FOXN3: variants seen among roughly 807,000 people sequenced by gnomAD.
The protein encoded by FOXN3 is forkhead box protein N3.
Under a neutral mutation model 38.4 loss-of-function variants are expected in FOXN3, and 7 were observed. The ratio of observed to expected loss-of-function variants is 0.18; its 90% confidence interval spans 0.10 to 0.34. The LOEUF is 0.34. FOXN3 is among the 10% of genes least tolerant of loss of function. The probability of loss-of-function intolerance (pLI) is 1.00; values close to 1 mark genes in which losing one functional copy is unlikely to be tolerated. For synonymous variants in FOXN3, 230 were observed against 242.2 expected, an observed-to-expected ratio of 0.95 and a Z score of 0.47; for missense variants, 456 against 613.4, an observed-to-expected ratio of 0.74 and a Z score of 2.71.
chr14:89,560,987 G>A (rs570648474), intron 1 of FOXN3, among the ~76,000 whole-genome samples: 1 of 152,320 alleles, frequency 6.6e-6, no homozygotes, highest in African/African-American at 2.4e-5. Flanking sequence ...TCAAGAACAG[G>A]TAAGGGAGTT....
chr14:89,192,132 C>A (rs1887966199), intron 4 of FOXN3, among the ~76,000 whole-genome samples: 1 of 145,982 alleles, frequency 6.9e-6, no homozygotes, highest in Admixed American at 6.9e-5. Context: ...GGGTGAAATA[C>A]CTTAAACAGT....
At chr14:89,193,909 A>T (rs1403874029) in intron 4 of FOXN3, among the ~76,000 whole-genome samples, 1 of 152,174 alleles carries the variant, frequency 6.6e-6, no homozygotes, top group African/African-American at 2.4e-5. Flanking sequence ...GTAATATTTC[A>T]CTGGGGTTTT....
chr14:89,559,872 T>C (rs1344457472), intron 1 of FOXN3, among the ~76,000 whole-genome samples: 1 of 151,876 alleles, frequency 6.6e-6, no homozygotes, highest in Non-Finnish European at 1.5e-5. Flanking sequence ...TCAGATACAC[T>C]TCAGGGGAGG....
chr14:89,293,478 G>A (rs982840145), intron 3 of FOXN3, among the ~76,000 whole-genome samples: 1 of 152,184 alleles, frequency 6.6e-6, no homozygotes, highest in African/African-American at 2.4e-5. Context: ...CTCCCTCGCA[G>A]CTGCTGGTGT....
intron 1 of FOXN3, among the ~76,000 whole-genome samples, chr14:89,439,406 C>T (rs891557288): frequency 7.2e-5 from 11 of 152,132 alleles, no homozygotes; most frequent in Admixed American, 2.0e-4. Flanking sequence ...TTAAAGAAGC[C>T]GGCCAAAACC....
chr14:89,342,544 C>G (rs1352613229), intron 3 of FOXN3, among the ~76,000 whole-genome samples: 1 of 152,194 alleles, frequency 6.6e-6, no homozygotes, highest in Non-Finnish European at 1.5e-5. Context: ...CTCCCACTGT[C>G]AATGAGCACT....
chr14:89,607,909 C>G (rs1402493809), intron 1 of FOXN3, among the ~76,000 whole-genome samples: 1 of 151,926 alleles, frequency 6.6e-6, no homozygotes, highest in Non-Finnish European at 1.5e-5. Flanking sequence ...CTCCACCTCC[C>G]GGGTTCAAGC....
chr14:89,490,892 A>G (rs1010229970), intron 1 of FOXN3, among the ~76,000 whole-genome samples: 1 of 152,270 alleles, frequency 6.6e-6, no homozygotes, highest in African/African-American at 2.4e-5. Context: ...TATTCTAGGT[A>G]TGGCGAATCC....
At chr14:89,209,913 T>C (rs1207968284) in intron 4 of FOXN3, among the ~76,000 whole-genome samples, 1 of 152,240 alleles carries the variant, frequency 6.6e-6, no homozygotes, top group African/African-American at 2.4e-5. Context: ...CATTCCACCA[T>C]TGTTAACAGA....
chr14:89,405,161 G>C (rs1891355098), intron 2 of FOXN3, among the ~76,000 whole-genome samples: 1 of 152,098 alleles, frequency 6.6e-6, no homozygotes, highest in African/African-American at 2.4e-5. Flanking sequence ...TTTTGAGACA[G>C]AGTCTCACTC....
chr14:89,363,468 G>GT (rs1160770823), intron 2 of FOXN3, among the ~76,000 whole-genome samples: 1 of 151,996 alleles, frequency 6.6e-6, no homozygotes, highest in Non-Finnish European at 1.5e-5. Context: ...AGGGGATCAA[G>GT]TGGTATGGTT....
chr14:89,224,401 TAAG>T (rs1884566189), intron 4 of FOXN3, among the ~76,000 whole-genome samples: 1 of 152,212 alleles, frequency 6.6e-6, no homozygotes, highest in African/African-American at 2.4e-5. Flanking sequence ...GTCAAAAGCC[TAAG>T]GAGAGGTGAG....
chr14:89,615,278 C>A (rs958413388), intron 1 of FOXN3, among the ~76,000 whole-genome samples: 4 of 152,036 alleles, frequency 2.6e-5, no homozygotes, highest in Non-Finnish European at 5.9e-5. Flanking sequence ...GGTTGGTATT[C>A]TGGAATAATT....
chr14:89,612,350 C>T (rs1454762873), intron 1 of FOXN3, among the ~76,000 whole-genome samples: 1 of 152,064 alleles, frequency 6.6e-6, no homozygotes, highest in Non-Finnish European at 1.5e-5. Flanking sequence ...TGTCAAGAGG[C>T]CATTCTAAAT....
chr14:89,405,539 G>A lies in FOXN3; in HGVS notation c.543+6395C>T, dbSNP rs541014346. On this transcript the variant is annotated intron_variant, in intron 2 of 5. Transcript: ENST00000557258. ...GACAATTTGTATCAACAGTGTACACGCAGGGAGAAAAGCTTCCTCACTTGG... is the reference window on the plus strand; with the variant it reads ...GACAATTTGTATCAACAGTGTACACACAGGGAGAAAAGCTTCCTCACTTGG... 7.2e-5 allele frequency among the ~76,000 whole-genome samples: 11 copies of A among 152,182 alleles called. No homozygotes were observed. The East Asian group carries it at 1.5e-3, about 21-fold the overall frequency.
At chr14:89,171,686 A>G (rs1159689790) in intron 5 of FOXN3, among the ~76,000 whole-genome samples, 1 of 152,232 alleles carries the variant, frequency 6.6e-6, no homozygotes, top group Non-Finnish European at 1.5e-5. Context: ...TATGAAACTC[A>G]ATAACCACTC....
chr14:89,219,538 T>C (rs1327678931), intron 4 of FOXN3, among the ~76,000 whole-genome samples: 1 of 152,206 alleles, frequency 6.6e-6, no homozygotes, highest in African/African-American at 2.4e-5. Context: ...CCTTAGCCCG[T>C]GTTCCCCGAG....
At position 89,286,751 on chromosome 14, in the gene FOXN3, C is replaced by T. The variant is rs148079309; in HGVS notation, c.681-5737G>A. On this transcript the variant is annotated intron_variant, in intron 3 of 5. Coordinates refer to ENST00000557258, the MANE Select transcript of FOXN3 (RefSeq NM_005197.4). ...GGCTCTCTGAGTGAAGGATGTCACT[C>T]GCTGGCATTTGGAACACGGCAACCA... is the stretch of plus-strand genomic sequence containing the variant. Among the ~76,000 whole-genome samples the T allele has an allele frequency of 3.0e-3, 450 of 152,248 alleles. 2 individuals are homozygous for T. Among genetic ancestry groups the T allele is most frequent in the Admixed American group, 6.5e-3 (100 of 15,294 alleles).
intron 2 of FOXN3, among the ~76,000 whole-genome samples, chr14:89,396,075 A>G (rs574148393): frequency 1.3e-5 from 2 of 152,362 alleles, no homozygotes; most frequent in African/African-American, 4.8e-5. Context: ...CCAGAGACTC[A>G]TTCGAAGGCT....
Sources: allele counts gnomAD v4.1 joint callset (sites outside exome capture counted in the v4.1 genomes callset), GRCh38; gene constraint gnomAD v4.1.1; transcripts MANE v1.5; gene names NCBI Gene and HGNC (gene_info 2026-07-23, HGNC 2026-07-21).